The following GREB1 variants were observed in gnomAD, a reference collection of about 807,000 sequenced individuals.
The protein encoded by GREB1 is protein GREB1.
In GREB1, 106 loss-of-function variants were observed where a neutral mutation model predicts 200.7. The ratio of observed to expected loss-of-function variants is 0.53; its 90% CI spans 0.45 to 0.62. The LOEUF (loss-of-function observed/expected upper bound fraction) is 0.62. Among genes scored for constraint, GREB1 ranks in the 20% least tolerant of loss-of-function variants. GREB1 has a pLI of 0.00. For synonymous variants in GREB1, 1,132 were observed against 1,092.4 expected (o/e 1.04, Z -0.72); for missense variants, 2,243 against 2,556.8 (o/e 0.88, Z 2.65).
chr2:11,559,461 A>T (rs1316308498), intron 2 of GREB1, among the ~76,000 whole-genome samples: 5 of 152,102 alleles, frequency 3.3e-5, no homozygotes, highest in African/African-American at 7.2e-5. Flanking sequence ...CTTTTCTTTC[A>T]TGCCTTCTGA....
At position 11,616,619 on chromosome 2, in the gene GREB1, G is replaced by T. The variant is rs767561267; in HGVS notation, c.3323-12G>T. 8 of 1,565,852 alleles carry T rather than the reference G, an allele frequency of 5.1e-6. No individual in the cohort carries two copies. The East Asian group carries it at 1.3e-4, about 26-fold the overall frequency. Reference sequence around the variant, plus strand: ...ATTTCGGTGCATTCTCAGCGTGTGTGTTTTGGAACAGGCTCTACCTCGGAG... The same window carrying T: ...ATTTCGGTGCATTCTCAGCGTGTGTTTTTTGGAACAGGCTCTACCTCGGAG... On this transcript the variant is annotated splice_polypyrimidine_tract_variant and intron_variant, in intron 20 of 32. Transcript: ENST00000381486.
At chr2:11,527,594 A>C (rs776645107) in intron 1 of GREB1, among the ~76,000 whole-genome samples, 27 of 152,204 alleles carry the variant, frequency 1.8e-4, no homozygotes, top group Non-Finnish European at 3.4e-4. Flanking sequence ...CATCCCCTGG[A>C]CAGTCTTTCC....
chr2:11,572,272 A>G (rs1678389399), intron 4 of GREB1, among the ~76,000 whole-genome samples: 5 of 152,194 alleles, frequency 3.3e-5, no homozygotes, highest in Admixed American at 3.3e-4. Flanking sequence ...GCTCTGGTGC[A>G]GTGGCTGTCA....
Position 11,632,453 on chromosome 2 carries a change from C to G in GREB1, c.4816+340C>G, listed in dbSNP as rs545198499. On this transcript the variant is annotated intron_variant, in intron 27 of 32. Coordinates refer to ENST00000381486, the MANE Select transcript of GREB1 (RefSeq NM_014668.4). ...TTACGGGTTCAAGCGATTCTCCTGC[C>G]TCAGCTACCCGAGTAGCTGGAATTA... 5.3e-5 allele frequency among the ~76,000 whole-genome samples: 8 copies of G among 151,612 alleles called. No individual in the cohort carries two copies. In the South Asian group the frequency reaches 1.5e-3, roughly 28 times the overall value.
Position 11,600,831 on chromosome 2 carries a change from G to T in GREB1, c.2365G>T (p.Asp789Tyr), listed in dbSNP as rs1681718131. The T allele has an allele frequency of 3.1e-6, 5 of 1,614,108 alleles. No homozygotes were observed. Among genetic ancestry groups the T allele is most frequent in the Non-Finnish European group, 4.2e-6 (5 of 1,179,974 alleles). The change falls in exon 16 of 33, where the codon GAC becomes TAC. Residue 789 changes from aspartate to tyrosine, a missense_variant. Asp to Tyr is a radical substitution (Grantham distance 160, BLOSUM62 -3). Transcript: ENST00000381486. ...TGTTCATAACCTCTATTCTCAAAGT[G>T]ACCCGTCGGTGGGATTGGTGGACCG... ...STVHNLYSQS[D>Y]PSVGLVDRLL...
Position 11,569,254 on chromosome 2 carries a change from T to G in GREB1, c.454+2598T>G, listed in dbSNP as rs940844054. 2.0e-5 allele frequency among the ~76,000 whole-genome samples: 3 copies of G among 152,314 alleles called. No individual in the cohort carries two copies. The South Asian group carries it at 6.2e-4, about 32-fold the overall frequency. On this transcript the variant is annotated intron_variant, in intron 4 of 32. Transcript: ENST00000381486. ...AAACAAATCCTTTGTTCATTCAGCATGCAAAGAATTCAGCATGCATTTACG... is the reference window on the plus strand; with the variant it reads ...AAACAAATCCTTTGTTCATTCAGCAGGCAAAGAATTCAGCATGCATTTACG...
At chr2:11,508,732 T>C (rs993714275) in intron 1 of GREB1, among the ~76,000 whole-genome samples, 5 of 152,224 alleles carry the variant, frequency 3.3e-5, no homozygotes, top group African/African-American at 1.2e-4. Flanking sequence ...TTTCTCTTTC[T>C]AGATCCACAG....
chr2:11,560,981 A>G (rs572393444), intron 2 of GREB1, among the ~76,000 whole-genome samples: 1 of 152,316 alleles, frequency 6.6e-6, no homozygotes, highest in South Asian at 2.1e-4. Flanking sequence ...ACACACAGTC[A>G]TAATTAGCTT....
At chr2:11,500,531 T>G (rs1244266419) in intron 1 of GREB1, among the ~76,000 whole-genome samples, 3 of 151,928 alleles carry the variant, frequency 2.0e-5, no homozygotes, top group Non-Finnish European at 2.9e-5. Flanking sequence ...CTCGAACTCC[T>G]GACCTCAAGT....
intron 17 of GREB1, among the ~76,000 whole-genome samples, chr2:11,605,283 C>T (rs572732445): frequency 6.7e-5 from 10 of 149,756 alleles, no homozygotes; most frequent in South Asian, 2.1e-4. Flanking sequence ...TGAAGTGCAA[C>T]GGCGCGATCT....
intron 19 of GREB1, 97 bp from the exon 20 acceptor site, chr2:11,614,994 G>T (rs761144858): frequency 5.7e-6 from 5 of 884,908 alleles, no homozygotes; most frequent in East Asian, 2.4e-5. Flanking sequence ...CACCAGGAAG[G>T]TGGGGTGTGG....
chr2:11,625,567 G>A (rs1359851384), intron 24 of GREB1, among the ~76,000 whole-genome samples: 2 of 152,194 alleles, frequency 1.3e-5, no homozygotes, highest in African/African-American at 4.8e-5. Flanking sequence ...GGAATATTCT[G>A]AAGGCTGTGG....
chr2:11,499,037 C>T (rs1057175286), intron 1 of GREB1, among the ~76,000 whole-genome samples: 2 of 152,094 alleles, frequency 1.3e-5, no homozygotes, highest in Non-Finnish European at 2.9e-5. Context: ...GGGGGTGGAA[C>T]ATAAAAAGCA....
In GREB1 at chr2:11,587,694, A is replaced by AACACAC. The variant is rs377181735; in HGVS notation, c.1160-1009_1160-1004dup. 4.1e-4 allele frequency: 290 copies of AACACAC among 707,052 alleles called. 1 individual carries two copies. Among genetic ancestry groups the AACACAC allele is most frequent in the East Asian group, 2.5e-3 (29 of 11,704 alleles). 43.8% of individuals were successfully genotyped at this position (707,052 alleles called of 1,614,324 possible). On this transcript the variant is annotated intron_variant, in intron 9 of 32. Coordinates refer to ENST00000381486, the MANE Select transcript of GREB1 (RefSeq NM_014668.4). ...AAATGGAGTACCTGGAGTACAAGAT[A>AACACAC]ACACACACACACACACACACACACA...
intron 1 of GREB1, among the ~76,000 whole-genome samples, chr2:11,496,545 A>G (rs1021003001): frequency 6.9e-6 from 1 of 145,496 alleles, no homozygotes; most frequent in Non-Finnish European, 1.5e-5. Flanking sequence ...TCTGACGAAC[A>G]AGGGGGAGGT....
intron 1 of GREB1, chr2:11,539,932 G>A (rs750582493): frequency 1.3e-5 from 2 of 151,424 alleles, no homozygotes; most frequent in Non-Finnish European, 2.9e-5. Flanking sequence ...AGGCAGACCC[G>A]AGCCAGGCTC....
Position 11,492,953 on chromosome 2 carries a change from T to C in GREB1, c.-159+10572T>C, listed in dbSNP as rs1467283791. Reference sequence around the variant, plus strand: ...AACCAGCAAGACTAGGCTTAAACAATGGGAGCTGAGGCTCAGCAGCTGGAG... The same window carrying C: ...AACCAGCAAGACTAGGCTTAAACAACGGGAGCTGAGGCTCAGCAGCTGGAG... On this transcript the variant is annotated intron_variant, in intron 1 of 2. Transcript: ENST00000628795. This position sits in a 1 kb window ranked among gnomAD's most constrained non-coding sequence, Gnocchi z 4.0. Among the ~76,000 whole-genome samples the C allele has an allele frequency of 6.6e-6, 1 of 152,162 alleles. No individual in the cohort carries two copies. Among genetic ancestry groups the C allele is most frequent in the Non-Finnish European group, 1.5e-5 (1 of 68,038 alleles).
chr2:11,555,686 A>G (rs918699461), intron 1 of GREB1, among the ~76,000 whole-genome samples: 2 of 152,320 alleles, frequency 1.3e-5, no homozygotes, highest in East Asian at 1.9e-4. Flanking sequence ...GAGCAAATCT[A>G]TAGAGACAGA....
rs1486759445 is a variant in GREB1, at chr2:11,548,916, T to A, written c.-161-7538T>A. ...ATTCTAGGTAGGGAAAATTTTCCCT[T>A]AAAATTTTCCGGGCATTATTTCATT... is the stretch of plus-strand genomic sequence containing the variant. On this transcript the variant is annotated intron_variant, in intron 1 of 32. Coordinates refer to ENST00000381486, the MANE Select transcript of GREB1 (RefSeq NM_014668.4). This position sits in a 1 kb window ranked among gnomAD's most constrained non-coding sequence, Gnocchi z 5.1. Among the ~76,000 whole-genome samples, 2 of 152,190 alleles carry A rather than the reference T, an allele frequency of 1.3e-5. No homozygotes were observed. The highest frequency in any genetic ancestry group is 1.5e-5 in the Non-Finnish European group (1 of 68,026).
Sources: allele counts gnomAD v4.1 joint callset (sites outside exome capture counted in the v4.1 genomes callset), GRCh38; gene constraint gnomAD v4.1.1; non-coding constraint Gnocchi (gnomAD v3.1); transcripts MANE v1.5; gene names NCBI Gene and HGNC (gene_info 2026-07-23, HGNC 2026-07-21).